Variants in AFF3 observed in about 807,000 individuals in gnomAD.
AFF3 encodes the protein ALF transcription elongation factor 3.
A neutral mutation model predicts 129.7 loss-of-function variants in AFF3; 32 were observed. The observed-to-expected ratio is 0.25, with a 90% CI of 0.19 to 0.33. The LOEUF (loss-of-function observed/expected upper bound fraction) is 0.33, where lower values mean the gene tolerates loss of function less well. AFF3 is among the 10% of genes least tolerant of loss of function. The pLI is 1.00. For missense variants in AFF3, 1,373 were observed against 1,592.0 expected (o/e 0.86, Z 2.34); for synonymous variants, 644 against 635.4 (o/e 1.01, Z -0.20).
chr2:99,669,523 T>C (rs1006242798), intron 12 of AFF3, among the ~76,000 whole-genome samples: 4 of 152,162 alleles, frequency 2.6e-5, no homozygotes, highest in East Asian at 1.9e-4. Flanking sequence ...AATTACACTA[T>C]GGTGTTAGAA....
rs183403574 is a variant in AFF3, at chr2:99,868,552, T to C, written c.874-31028A>G. On this transcript the variant is annotated intron_variant, in intron 7 of 24. Transcript: ENST00000672756. ...GTTCTGGACAAGGGTCTGGGTGCTTTAACATGGAAGCAGTAAGACAATGAG... is the reference window on the plus strand; with the variant it reads ...GTTCTGGACAAGGGTCTGGGTGCTTCAACATGGAAGCAGTAAGACAATGAG... Among the ~76,000 whole-genome samples, 169 of 152,162 alleles carry C rather than the reference T, an allele frequency of 1.1e-3. 1 individual carries two copies. The highest frequency in any genetic ancestry group is 1.8e-3 in the Non-Finnish European group (119 of 68,000).
chr2:99,560,836 G>C (rs986421308), intron 20 of AFF3, among the ~76,000 whole-genome samples: 3 of 152,114 alleles, frequency 2.0e-5, no homozygotes, highest in Non-Finnish European at 4.4e-5. Flanking sequence ...TTCCATCCTG[G>C]GTATGCAGAG....
intron 8 of AFF3, among the ~76,000 whole-genome samples, chr2:99,830,981 C>T (rs1688478217): frequency 6.6e-6 from 1 of 152,144 alleles, no homozygotes; most frequent in Admixed American, 6.5e-5. Flanking sequence ...CCAGACAGCC[C>T]CTGGCAAGGC....
intron 7 of AFF3, among the ~76,000 whole-genome samples, chr2:99,919,912 T>G (rs961520048): frequency 6.6e-6 from 1 of 151,942 alleles, no homozygotes; most frequent in African/African-American, 2.4e-5. Flanking sequence ...ATACAAAAAT[T>G]TAAAGTATGA....
rs371539469 is a variant in AFF3 at position 99,659,436 on chromosome 2, G to C, written c.1144-9770C>G. Among the ~76,000 whole-genome samples the C allele has an allele frequency of 1.3e-4, 20 of 152,264 alleles. 1 individual carries two copies. The South Asian group carries it at 1.7e-3, about 13-fold the overall frequency. On this transcript the variant is annotated intron_variant, in intron 12 of 24. Coordinates refer to ENST00000672756, the MANE Select transcript of AFF3 (RefSeq NM_001386135.1). Reference sequence around the variant, plus strand: ...ATGCATCTAAACTTCTGGTTCTTAGGAATGGAAGTTTAAATGTGGAGTGCA... The same window carrying C: ...ATGCATCTAAACTTCTGGTTCTTAGCAATGGAAGTTTAAATGTGGAGTGCA...
chr2:100,116,522 C>T (rs1043693101), intron 2 of AFF3, among the ~76,000 whole-genome samples: 2 of 152,028 alleles, frequency 1.3e-5, no homozygotes, highest in Admixed American at 1.3e-4. Context: ...GTTTACTATT[C>T]TTTACTGTTG....
At chr2:99,718,210 A>G (rs1678557579) in intron 11 of AFF3, among the ~76,000 whole-genome samples, 1 of 152,198 alleles carries the variant, frequency 6.6e-6, no homozygotes, top group Non-Finnish European at 1.5e-5. Context: ...AATGTCCTGC[A>G]GGTCTTTTGA....
At chr2:99,594,395 G>A in intron 14 of AFF3, 106 bp from the exon 15 acceptor site, 1 of 1,457,186 alleles carries the variant, frequency 6.9e-7, no homozygotes, top group Non-Finnish European at 9.2e-7. Flanking sequence ...TATATGAGCA[G>A]AAAACGAATG....
chr2:99,725,779 T>C (rs945667924), intron 11 of AFF3, among the ~76,000 whole-genome samples: 3 of 152,064 alleles, frequency 2.0e-5, no homozygotes, highest in African/African-American at 7.2e-5. Flanking sequence ...ACTTTGTATA[T>C]TCTTTGTCAG....
chr2:99,576,348 C>CA (rs59639748), intron 18 of AFF3, among the ~76,000 whole-genome samples: 8,495 of 103,252 alleles, frequency 0.082, 343 homozygotes, highest in African/African-American at 0.14. Context: ...GCTTTTTCTA[C>CA]AAAAAAAAAA....
At chr2:100,071,724 C>T (rs953064332) in intron 4 of AFF3, among the ~76,000 whole-genome samples, 9 of 152,090 alleles carry the variant, frequency 5.9e-5, no homozygotes, top group Non-Finnish European at 1.0e-4. Flanking sequence ...CGAGCAAAAC[C>T]GTAAATACCA....
chr2:99,565,966 TAAATATGCATC>T (rs1403500245), intron 19 of AFF3, among the ~76,000 whole-genome samples: 1 of 152,234 alleles, frequency 6.6e-6, no homozygotes, highest in African/African-American at 2.4e-5. Context: ...CATGCTATGC[TAAATATGCATC>T]AAAGTTGGTA....
intron 12 of AFF3, among the ~76,000 whole-genome samples, chr2:99,652,001 T>C (rs1454068228): frequency 2.0e-5 from 3 of 152,064 alleles, no homozygotes; most frequent in Non-Finnish European, 2.9e-5. Context: ...TAGAATAACA[T>C]GGACATGAAA....
intron 4 of AFF3, among the ~76,000 whole-genome samples, chr2:100,026,939 G>A (rs547975608): frequency 1.1e-4 from 16 of 151,828 alleles, no homozygotes; most frequent in African/African-American, 3.9e-4. Flanking sequence ...GGGAAGGGTG[G>A]GAGGGTGGCA....
At chr2:100,007,790 C>T (rs1345732863) in intron 5 of AFF3, 2 of 289,804 alleles carry the variant, frequency 6.9e-6, no homozygotes, top group Non-Finnish European at 1.3e-5. Flanking sequence ...GCCTGACCAA[C>T]ACGGCAAAAC....
chr2:99,825,164 G>A (rs926966475), intron 8 of AFF3, among the ~76,000 whole-genome samples: 1 of 152,138 alleles, frequency 6.6e-6, no homozygotes, highest in Non-Finnish European at 1.5e-5. Flanking sequence ...AAATGCAATG[G>A]CAAAGGAGAA....
Position 99,546,503 on chromosome 2 carries a change from AC to A in AFF3, c.*4970del. On this transcript the variant is annotated 3_prime_UTR_variant, in exon 25 of 25. Transcript: ENST00000672756. ...TGTCAGATGGTATAATGGGAAAAAG[AC>A]AAAGGATATTTGAATCTAAGGACAT... 8.6e-6 allele frequency: 2 copies of A among 233,044 alleles called. No homozygotes were observed. The highest frequency in any genetic ancestry group is 4.4e-5 in the African/African-American group (2 of 45,446). The allele number at this position is 233,044 out of a possible 1,614,324, so 14.4% of individuals were successfully genotyped here.
At chr2:99,855,481 C>G (rs752690038) in intron 7 of AFF3, among the ~76,000 whole-genome samples, 4 of 152,120 alleles carry the variant, frequency 2.6e-5, no homozygotes, top group Middle Eastern at 3.4e-3. Flanking sequence ...AAAAAAAATA[C>G]CTTGATGGAG....
At chr2:99,964,078 T>C (rs1158092283) in intron 7 of AFF3, among the ~76,000 whole-genome samples, 1 of 151,910 alleles carries the variant, frequency 6.6e-6, no homozygotes, top group East Asian at 1.9e-4. Flanking sequence ...GGTGTAACAA[T>C]CCTAAAAGTA....
Sources: gnomAD v4.1 joint callset for allele counts (sites outside exome capture counted in the v4.1 genomes callset) on GRCh38, gnomAD v4.1.1 for gene constraint, MANE v1.5 for transcripts, NCBI Gene and HGNC (gene_info 2026-07-23, HGNC 2026-07-21) for gene names.